SH3PXD2A: variants seen among roughly 807,000 people sequenced by gnomAD.
SH3PXD2A encodes SH3 and PX domains 2A, also known as SH3 and PX domain-containing protein 2A.
SH3PXD2A carries 32 observed loss-of-function variants against 115.2 expected under a neutral mutation model. That is an observed-to-expected ratio of 0.28 (90% confidence interval 0.21 to 0.37). The LOEUF is 0.37. SH3PXD2A is among the 10% of genes least tolerant of loss of function. The pLI, the probability that SH3PXD2A is intolerant of heterozygous loss-of-function variation, is 1.00. For synonymous variants in SH3PXD2A, 610 were observed against 629.1 expected, an observed-to-expected ratio of 0.97 and a Z score of 0.45; for missense variants, 1,328 against 1,498.7, an observed-to-expected ratio of 0.89 and a Z score of 1.88.
chr10:103,817,256 G>A (rs1475563185), intron 1 of SH3PXD2A, among the ~76,000 whole-genome samples: 1 of 151,828 alleles, frequency 6.6e-6, no homozygotes, highest in African/African-American at 2.4e-5. Context: ...TCATCACCCA[G>A]GTATAAAGCC....
chr10:103,812,004 G>T (rs1269657299), intron 1 of SH3PXD2A, among the ~76,000 whole-genome samples: 3 of 152,210 alleles, frequency 2.0e-5, no homozygotes, highest in Admixed American at 2.0e-4. Flanking sequence ...TTGCACTTAT[G>T]AATTTTAGTC....
chr10:103,767,805 GTTTTGTTTTTTTT>G (rs1249734181), intron 2 of SH3PXD2A, among the ~76,000 whole-genome samples: 1 of 92,640 alleles, frequency 1.1e-5, no homozygotes, highest in Admixed American at 1.1e-4. Context: ...AGGAACAACT[GTTTTGTTTTTTTT>G]TTTTTTTTTT....
At chr10:103,763,997 C>T (rs114993907) in intron 3 of SH3PXD2A, among the ~76,000 whole-genome samples, 1,627 of 152,334 alleles carry the variant, frequency 0.011, 26 homozygotes, top group African/African-American at 0.036. Flanking sequence ...AGGAAGTTCA[C>T]GTGAGAGCAT....
chr10:103,721,250 G>C (rs1564872835), intron 5 of SH3PXD2A, among the ~76,000 whole-genome samples: 1 of 152,212 alleles, frequency 6.6e-6, no homozygotes, highest in African/African-American at 2.4e-5. Context: ...CTCTTGACCA[G>C]CTCGTGAGTT....
chr10:103,603,266 G>A lies in SH3PXD2A; in HGVS notation c.1952C>T (p.Ser651Phe). ...TTTGGGGGAGTTTTTCCTGGTCAGG[G>A]ACAGCGAGGAGCTGCCTGGGGAGTC... ...DSDSPGSSSL[S>F]LTRKNSPKSG... Residue 651 changes from serine to phenylalanine, a missense_variant, in exon 15 of 15, where the codon TCC becomes TTC. Around this residue, in one of 5 missense-constraint regions of SH3PXD2A, gnomAD observed 574 missense variants for 565.7 expected, o/e 1.01. Coordinates refer to ENST00000369774, the MANE Select transcript of SH3PXD2A (RefSeq NM_001394015.1). The A allele has an allele frequency of 1.2e-6, 2 of 1,614,082 alleles. No individual in the cohort carries two copies. The highest frequency in any genetic ancestry group is 1.1e-5 in the South Asian group (1 of 91,076).
intron 3 of SH3PXD2A, among the ~76,000 whole-genome samples, chr10:103,742,737 G>T (rs775038514): frequency 6.6e-6 from 1 of 152,212 alleles, no homozygotes; most frequent in Non-Finnish European, 1.5e-5. Flanking sequence ...AAGCCCTCGT[G>T]GGGGACAGGG....
chr10:103,718,311 G>A (rs1021320132), intron 5 of SH3PXD2A, among the ~76,000 whole-genome samples: 7 of 152,066 alleles, frequency 4.6e-5, no homozygotes, highest in African/African-American at 9.7e-5. Flanking sequence ...GCCACCGCAC[G>A]GGGCCAAGGG....
chr10:103,624,595 T>C (rs924198716), intron 9 of SH3PXD2A, among the ~76,000 whole-genome samples: 3 of 152,228 alleles, frequency 2.0e-5, no homozygotes, highest in African/African-American at 7.2e-5. Flanking sequence ...AAGTGTCTCA[T>C]GATAAGGACA....
intron 8 of SH3PXD2A, among the ~76,000 whole-genome samples, chr10:103,637,825 C>T (rs896434375): frequency 1.3e-5 from 2 of 152,212 alleles, no homozygotes; most frequent in Admixed American, 1.3e-4. Flanking sequence ...CCACACCCAG[C>T]ACAAGGCTGG....
intron 3 of SH3PXD2A, chr10:103,749,753 T>C (rs1220740555): frequency 6.6e-6 from 1 of 152,224 alleles, no homozygotes; most frequent in Non-Finnish European, 1.5e-5. Flanking sequence ...ATAAAAACAT[T>C]GTAACTGCCT....
chr10:103,791,367 A>T (rs1029997184), intron 2 of SH3PXD2A, among the ~76,000 whole-genome samples: 3 of 152,172 alleles, frequency 2.0e-5, no homozygotes, highest in African/African-American at 7.2e-5. Flanking sequence ...AATGCACACA[A>T]CCATCCAAAA....
At chr10:103,739,878 G>A (rs1164751584) in intron 3 of SH3PXD2A, among the ~76,000 whole-genome samples, 1 of 152,228 alleles carries the variant, frequency 6.6e-6, no homozygotes, top group African/African-American at 2.4e-5. Context: ...GGTGAGACCA[G>A]CGAAGGAGTG....
chr10:103,819,529 G>A (rs1459595787), intron 1 of SH3PXD2A, among the ~76,000 whole-genome samples: 2 of 152,136 alleles, frequency 1.3e-5, no homozygotes, highest in South Asian at 4.1e-4. Context: ...GAGGTAAACT[G>A]AGTCCCAGCT....
chr10:103,842,120 G>A (rs1217403794), intron 1 of SH3PXD2A, among the ~76,000 whole-genome samples: 10 of 99,826 alleles, frequency 1.0e-4, no homozygotes, highest in Admixed American at 6.7e-4. Context: ...GCGAGACTCC[G>A]TCTCAAAAAA....
intron 5 of SH3PXD2A, among the ~76,000 whole-genome samples, chr10:103,721,763 G>A (rs2038185090): frequency 6.6e-6 from 1 of 152,188 alleles, no homozygotes; most frequent in Non-Finnish European, 1.5e-5. Context: ...GGATACTGCT[G>A]CCAGGCTCAG....
chr10:103,822,957 C>T (rs2039396140), intron 1 of SH3PXD2A, among the ~76,000 whole-genome samples: 1 of 152,188 alleles, frequency 6.6e-6, no homozygotes, highest in Non-Finnish European at 1.5e-5. Flanking sequence ...CAGATAGGTG[C>T]TGAAGTTATG....
At chr10:103,610,220 G>A (rs1452502725) in intron 13 of SH3PXD2A, among the ~76,000 whole-genome samples, 2 of 152,252 alleles carry the variant, frequency 1.3e-5, no homozygotes, top group Non-Finnish European at 2.9e-5. Context: ...CCCAGGGCCT[G>A]GCTGTGCAGC....
chr10:103,774,031 A>C (rs1387877082), intron 2 of SH3PXD2A, among the ~76,000 whole-genome samples: 1 of 152,186 alleles, frequency 6.6e-6, no homozygotes, highest in African/African-American at 2.4e-5. Context: ...CATCATGCCT[A>C]GCCATTTTCT....
At chr10:103,770,807 G>A (rs1445573403) in intron 2 of SH3PXD2A, among the ~76,000 whole-genome samples, 1 of 152,176 alleles carries the variant, frequency 6.6e-6, no homozygotes, top group Non-Finnish European at 1.5e-5. Flanking sequence ...CTCCCCTACT[G>A]TTGGATATTT....
Sources: gnomAD v4.1 joint callset for allele counts (sites outside exome capture counted in the v4.1 genomes callset) on GRCh38, gnomAD v4.1.1 for gene constraint, gnomAD v4.1.1 regional missense constraint, MANE v1.5 for transcripts, NCBI Gene and HGNC (gene_info 2026-07-23, HGNC 2026-07-21) for gene names.